The following EXOC6 variants were observed in gnomAD, a reference collection of about 807,000 sequenced individuals.
EXOC6 encodes the protein SEC15-like 1.
In EXOC6, 60 loss-of-function variants were observed where a neutral mutation model predicts 112.5. The observed-to-expected ratio is 0.53, with a 90% CI of 0.43 to 0.66. EXOC6 has a LOEUF of 0.66. EXOC6 is among the 30% of genes least tolerant of loss of function. The pLI is 0.00. For missense variants in EXOC6, 855 were observed against 957.1 expected (o/e 0.89, Z 1.41); for synonymous variants, 295 against 308.0 (o/e 0.96, Z 0.44).
At chr10:92,982,575 T>C (rs776363873) in intron 18 of EXOC6, among the ~76,000 whole-genome samples, 4 of 152,198 alleles carry the variant, frequency 2.6e-5, no homozygotes, top group Non-Finnish European at 5.9e-5. Flanking sequence ...TTTAAAATCA[T>C]GCTGTCAAAG....
chr10:92,971,335 C>T (rs111905509), intron 17 of EXOC6, among the ~76,000 whole-genome samples: 3 of 119,028 alleles, frequency 2.5e-5, no homozygotes, highest in South Asian at 3.2e-4. Flanking sequence ...TGAGGCACCA[C>T]GCCCAGCCTA....
intron 8 of EXOC6, among the ~76,000 whole-genome samples, chr10:92,920,804 C>T (rs1851391959): frequency 6.6e-6 from 1 of 152,066 alleles, no homozygotes; most frequent in Admixed American, 6.6e-5. Context: ...ATTGTTATGT[C>T]TTCCTGATGG....
intron 1 of EXOC6, among the ~76,000 whole-genome samples, chr10:92,870,618 T>A (rs758541393): frequency 7.2e-5 from 11 of 152,206 alleles, no homozygotes; most frequent in Non-Finnish European, 1.5e-4. Flanking sequence ...TGGTACAGAC[T>A]TTTTCCGATC....
intron 1 of EXOC6, among the ~76,000 whole-genome samples, chr10:92,828,737 T>G (rs1385088548): frequency 1.6e-4 from 24 of 149,854 alleles, no homozygotes; most frequent in African/African-American, 2.5e-5. Context: ...TGTATTTTTT[T>G]TTTTTTTGTG....
intron 20 of EXOC6, among the ~76,000 whole-genome samples, chr10:93,056,656 T>C (rs1846553886): frequency 7.8e-6 from 1 of 127,408 alleles, no homozygotes; most frequent in African/African-American, 2.9e-5. Flanking sequence ...ATATATATTA[T>C]ATTAACATTG....
At chr10:93,011,046 A>T (rs1844217737) in intron 19 of EXOC6, among the ~76,000 whole-genome samples, 3 of 152,128 alleles carry the variant, frequency 2.0e-5, no homozygotes, top group Admixed American at 2.0e-4. Flanking sequence ...GATAATAACT[A>T]TATGTCTAAT....
At chr10:92,989,671 T>A (rs1248807666) in intron 18 of EXOC6, among the ~76,000 whole-genome samples, 1 of 152,214 alleles carries the variant, frequency 6.6e-6, no homozygotes, top group Non-Finnish European at 1.5e-5. Context: ...TAATAATCAT[T>A]GAGTGCTTAT....
At chr10:92,998,095 CTTTATTTTTTTTTAGGTAACA>C (rs1332191936) in intron 19 of EXOC6, among the ~76,000 whole-genome samples, 1 of 152,004 alleles carries the variant, frequency 6.6e-6, no homozygotes. Flanking sequence ...TTGTTTTTCA[CTTTATTTTTTTTTAGGTAACA>C]AGGCTAGCAG....
At chr10:92,985,356 T>C (rs577503503) in intron 18 of EXOC6, among the ~76,000 whole-genome samples, 2 of 152,330 alleles carry the variant, frequency 1.3e-5, no homozygotes, top group South Asian at 4.1e-4. Context: ...ACTACTTCTC[T>C]GTTAGCATAT....
chr10:92,947,951 G>A (rs1489444343), intron 13 of EXOC6, among the ~76,000 whole-genome samples: 2 of 152,100 alleles, frequency 1.3e-5, no homozygotes, highest in East Asian at 3.9e-4. Flanking sequence ...TTTCCATTAC[G>A]TGGATCCTTT....
chr10:92,845,058 T>A (rs1441473049), upstream of EXOC6, among the ~76,000 whole-genome samples: 1 of 152,230 alleles, frequency 6.6e-6, no homozygotes, highest in Non-Finnish European at 1.5e-5. Flanking sequence ...TGCCAATTAC[T>A]TTTATACTGG....
At chr10:92,982,482 A>T (rs12098801) in intron 18 of EXOC6, among the ~76,000 whole-genome samples, 3,793 of 133,956 alleles carry the variant, frequency 0.028, 128 homozygotes, top group African/African-American at 0.093. Flanking sequence ...CCATTTTTTT[A>T]AAAAAAGGAT....
chr10:92,864,894 G>T (rs555928643), intron 1 of EXOC6, among the ~76,000 whole-genome samples: 5 of 152,032 alleles, frequency 3.3e-5, no homozygotes, highest in Non-Finnish European at 5.9e-5. Flanking sequence ...TTTCATAATG[G>T]TGTGAGCCCA....
chr10:92,933,335 G>C (rs556386496), intron 9 of EXOC6, among the ~76,000 whole-genome samples: 1 of 152,144 alleles, frequency 6.6e-6, no homozygotes, highest in African/African-American at 2.4e-5. Context: ...GGAATATATA[G>C]AATCCTATTT....
chr10:92,932,702 G>C (rs1852112586), intron 9 of EXOC6, among the ~76,000 whole-genome samples: 1 of 152,064 alleles, frequency 6.6e-6, no homozygotes, highest in Non-Finnish European at 1.5e-5. Flanking sequence ...CAAAAGGAAT[G>C]TGATGCCAAA....
At chr10:93,038,822 AAATTTG>A (rs1403338047) in intron 20 of EXOC6, among the ~76,000 whole-genome samples, 1 of 152,226 alleles carries the variant, frequency 6.6e-6, no homozygotes, top group Non-Finnish European at 1.5e-5. Flanking sequence ...GAAGAACTCA[AAATTTG>A]ATTAGAAAGT....
chr10:93,030,137 A>G (rs572404564), intron 20 of EXOC6, among the ~76,000 whole-genome samples: 1 of 152,228 alleles, frequency 6.6e-6, no homozygotes, highest in East Asian at 1.9e-4. Context: ...CGAACTCCCA[A>G]CCACAGGTGA....
At chr10:92,947,193 T>C (rs1173317520) in intron 13 of EXOC6, among the ~76,000 whole-genome samples, 1 of 152,206 alleles carries the variant, frequency 6.6e-6, no homozygotes, top group East Asian at 1.9e-4. Context: ...ATGAACATGT[T>C]TTATTCCTCA....
intron 5 of EXOC6, among the ~76,000 whole-genome samples, chr10:92,903,331 C>A (rs1338050352): frequency 6.6e-6 from 1 of 151,524 alleles, no homozygotes; most frequent in Non-Finnish European, 1.5e-5. Context: ...TTTCAATTTG[C>A]ATTTTCCTGA....
Sources: allele counts gnomAD v4.1 joint callset (sites outside exome capture counted in the v4.1 genomes callset), GRCh38; gene constraint gnomAD v4.1.1; transcripts MANE v1.5; gene names NCBI Gene and HGNC (gene_info 2026-07-23, HGNC 2026-07-21).